The following PLEKHA2 variants were observed in gnomAD, a reference collection of about 807,000 sequenced individuals.
PLEKHA2 encodes the protein pleckstrin homology domain-containing family A member 2.
A neutral mutation model predicts 53.2 loss-of-function variants in PLEKHA2; 28 were observed. The ratio of observed to expected loss-of-function variants is 0.53; its 90% CI spans 0.39 to 0.72. PLEKHA2 has a LOEUF of 0.72. Ranked by LOEUF, PLEKHA2 falls within the 30% of genes least tolerant of loss-of-function variation. PLEKHA2 has a pLI of 0.00. For missense variants in PLEKHA2, 426 were observed against 537.9 expected, an observed-to-expected ratio of 0.79 and a Z score of 2.06; for synonymous variants, 193 against 196.4, an observed-to-expected ratio of 0.98 and a Z score of 0.14.
chr8:38,945,568 A>G (rs940631060), intron 4 of PLEKHA2, among the ~76,000 whole-genome samples: 7 of 152,306 alleles, frequency 4.6e-5, no homozygotes, highest in African/African-American at 1.7e-4. Context: ...AAATATATAT[A>G]TGTAATAATA....
At chr8:38,933,511 C>G (rs1834431597) in intron 2 of PLEKHA2, among the ~76,000 whole-genome samples, 1 of 152,136 alleles carries the variant, frequency 6.6e-6, no homozygotes, top group Non-Finnish European at 1.5e-5. Context: ...CCCTCACTCA[C>G]AAGCCCACTT....
chr8:38,918,388 CCCCCCAT>C (rs1834101842), intron 2 of PLEKHA2, among the ~76,000 whole-genome samples: 3 of 148,490 alleles, frequency 2.0e-5, no homozygotes, highest in African/African-American at 5.0e-5. Flanking sequence ...CACACACATA[CCCCCCAT>C]ACACATACCA....
chr8:38,956,380 C>A (rs1834940547), intron 9 of PLEKHA2, among the ~76,000 whole-genome samples: 1 of 152,136 alleles, frequency 6.6e-6, no homozygotes, highest in African/African-American at 2.4e-5. Flanking sequence ...TCTCCTGGGC[C>A]CCGCACAGTG....
intron 1 of PLEKHA2, among the ~76,000 whole-genome samples, chr8:38,908,214 A>G (rs760857016): frequency 2.0e-5 from 3 of 152,150 alleles, no homozygotes; most frequent in Non-Finnish European, 4.4e-5. Flanking sequence ...GTGCTTCTTA[A>G]GACCAGAGAG....
At chr8:38,906,421 A>G (rs991417194) in intron 1 of PLEKHA2, among the ~76,000 whole-genome samples, 7 of 151,136 alleles carry the variant, frequency 4.6e-5, no homozygotes, top group African/African-American at 1.7e-4. Context: ...CTCCCCCCAT[A>G]TTTTTTCAAA....
intron 10 of PLEKHA2, among the ~76,000 whole-genome samples, chr8:38,964,377 A>G (rs1245974799): frequency 6.6e-6 from 1 of 152,152 alleles, no homozygotes; most frequent in Non-Finnish European, 1.5e-5. Context: ...CTCCTGTCGG[A>G]TCGGCAGCGG....
intron 2 of PLEKHA2, among the ~76,000 whole-genome samples, chr8:38,933,790 A>AAAAGAAAG (rs1554557185): frequency 0.06 from 5,409 of 90,868 alleles, 740 homozygotes; most frequent in African/African-American, 0.2. Flanking sequence ...AAAAAAAAAA[A>AAAAGAAAG]AAAAGAAAAG....
Position 38,970,074 on chromosome 8 carries a change from T to C in PLEKHA2, c.*291T>C. 1 of 491,672 alleles carries C rather than the reference T, an allele frequency of 2.0e-6. No individual in the cohort carries two copies. The highest frequency in any genetic ancestry group is 3.5e-6 in the Non-Finnish European group (1 of 284,542). 30.5% of individuals were successfully genotyped at this position (491,672 alleles called of 1,614,324 possible). A position where few individuals can be genotyped will look rare whatever the true frequency, so the allele number is the denominator to read the frequency against. ...AAGCTACCTATTCTATTCTAACTAT[T>C]CTGAGGTCTTCCTGGAGAGGGATTG... On this transcript the variant is annotated 3_prime_UTR_variant, in exon 12 of 12. Transcript: ENST00000617275.
At chr8:38,953,601 A>G (rs1479819616) in intron 9 of PLEKHA2, among the ~76,000 whole-genome samples, 1 of 152,136 alleles carries the variant, frequency 6.6e-6, no homozygotes, top group African/African-American at 2.4e-5. Context: ...AGATAGGCCT[A>G]CGTAATAGTT....
intron 10 of PLEKHA2, among the ~76,000 whole-genome samples, chr8:38,963,474 A>G (rs1564157677): frequency 6.6e-6 from 1 of 152,240 alleles, no homozygotes; most frequent in Admixed American, 6.5e-5. Flanking sequence ...AGCTAAGCAC[A>G]GGCTTTCCGT....
chr8:38,943,127 G>A (rs1834642838), intron 3 of PLEKHA2, among the ~76,000 whole-genome samples: 1 of 152,008 alleles, frequency 6.6e-6, no homozygotes, highest in African/African-American at 2.4e-5. Flanking sequence ...GGGGAGGAGG[G>A]GAATCTTGCT....
chr8:38,926,505 A>G (rs1172600380), intron 2 of PLEKHA2, among the ~76,000 whole-genome samples: 2 of 151,824 alleles, frequency 1.3e-5, no homozygotes, highest in South Asian at 2.1e-4. Context: ...AATTAAAATT[A>G]TATGTGGGCT....
At chr8:38,953,541 C>T (rs1421770507) in intron 9 of PLEKHA2, among the ~76,000 whole-genome samples, 174 bp downstream of exon 9, 4 of 152,272 alleles carry the variant, frequency 2.6e-5, no homozygotes, top group Admixed American at 6.5e-5. Flanking sequence ...GGGAGGAGAC[C>T]GCCCTGGGCA....
chr8:38,952,771 A>G, intron 8 of PLEKHA2, 67 bp downstream of exon 8: 1 of 1,489,436 alleles, frequency 6.7e-7, no homozygotes, highest in Non-Finnish European at 9.3e-7. Context: ...GTGCACACCC[A>G]CAGGAGAGCG....
At chr8:38,962,712 C>T (rs939926330) in intron 10 of PLEKHA2, among the ~76,000 whole-genome samples, 4 of 152,168 alleles carry the variant, frequency 2.6e-5, no homozygotes, top group African/African-American at 9.7e-5. Context: ...ATTAGTTATT[C>T]GAAATGAGAA....
At chr8:38,916,721 G>A (rs897909995) in intron 1 of PLEKHA2, among the ~76,000 whole-genome samples, 1 of 152,196 alleles carries the variant, frequency 6.6e-6, no homozygotes, top group African/African-American at 2.4e-5. Context: ...GAACAGAGCT[G>A]CAACAAACAT....
chr8:38,958,229 A>C (rs972125917), intron 10 of PLEKHA2, among the ~76,000 whole-genome samples: 1 of 152,138 alleles, frequency 6.6e-6, no homozygotes, highest in African/African-American at 2.4e-5. Flanking sequence ...AGGCTGAGGC[A>C]GGAGAATTGC....
chr8:38,936,132 G>A (rs144789847), intron 3 of PLEKHA2, 82 bp downstream of exon 3: 170 of 1,448,046 alleles, frequency 1.2e-4, no homozygotes, highest in Middle Eastern at 3.8e-4. Context: ...CCAGTCCTTT[G>A]GGCATTAGTA....
chr8:38,949,789 A>G (rs572636582), intron 5 of PLEKHA2, among the ~76,000 whole-genome samples: 219 of 152,342 alleles, frequency 1.4e-3, no homozygotes, highest in Middle Eastern at 3.4e-3. Flanking sequence ...TGATAACCAC[A>G]ACGATGGTTA....
Sources: gnomAD v4.1 joint callset for allele counts (sites outside exome capture counted in the v4.1 genomes callset) on GRCh38, gnomAD v4.1.1 for gene constraint, MANE v1.5 for transcripts, NCBI Gene and HGNC (gene_info 2026-07-23, HGNC 2026-07-21) for gene names.